Variants in ATP12A observed in about 807,000 individuals in gnomAD.
ATP12A encodes ATPase H+/K+ transporting non-gastric alpha2 subunit.
A neutral mutation model predicts 111.2 loss-of-function variants in ATP12A; 81 were observed. The observed-to-expected ratio is 0.73, with a 90% confidence interval of 0.61 to 0.88. ATP12A has a LOEUF of 0.88. Among genes scored for constraint, ATP12A ranks in the 40% least tolerant of loss-of-function variants. ATP12A has a pLI of 0.00. For synonymous variants in ATP12A, 498 were observed against 499.8 expected, an observed-to-expected ratio of 1.00 and a Z score of 0.05; for missense variants, 1,196 against 1,313.1, an observed-to-expected ratio of 0.91 and a Z score of 1.38.
At chr13:24,702,955 G>A (rs79573033) in intron 14 of ATP12A, among the ~76,000 whole-genome samples, 5,401 of 152,234 alleles carry the variant, frequency 0.035, 169 homozygotes, top group African/African-American at 0.085. Context: ...TCACGCATGC[G>A]GGAGATGAGG....
intron 11 of ATP12A, among the ~76,000 whole-genome samples, chr13:24,695,965 A>G (rs968363075): frequency 5.3e-5 from 8 of 152,162 alleles, no homozygotes; most frequent in African/African-American, 1.9e-4. Context: ...GCCAACAGAG[A>G]ATCACAGTTA....
At position 24,707,851 on chromosome 13, in the gene ATP12A, G is replaced by A. The variant is rs371090476; in HGVS notation, c.2493+418G>A. ...GTGCCACCACACCTGGCTAATTTTT[G>A]TATTTTTAGTAGAGATGGGGTTTCC... is the stretch of plus-strand genomic sequence containing the variant. On this transcript the variant is annotated intron_variant, in intron 17 of 22. Transcript: ENST00000381946. Among the ~76,000 whole-genome samples the A allele has an allele frequency of 5.5e-4, 84 of 152,090 alleles. 2 individuals carry two copies. In the South Asian group the frequency reaches 0.017, roughly 31 times the overall value.
At chr13:24,694,629 T>C (rs118100366) in intron 11 of ATP12A, 51 bp downstream of exon 11, 77,260 of 1,609,174 alleles carry the variant, frequency 0.048, 2,205 homozygotes, top group Middle Eastern at 0.06. Flanking sequence ...GCATGACCTT[T>C]CTACTTGCAT....
chr13:24,703,261 T>C (rs909267115), intron 14 of ATP12A, among the ~76,000 whole-genome samples: 3 of 152,212 alleles, frequency 2.0e-5, no homozygotes, highest in Non-Finnish European at 4.4e-5. Flanking sequence ...TTTGTTTATT[T>C]AGACAGAGTC....
intron 1 of ATP12A, among the ~76,000 whole-genome samples, chr13:24,681,294 G>T (rs1397722153): frequency 6.6e-6 from 1 of 152,094 alleles, no homozygotes; most frequent in Non-Finnish European, 1.5e-5. Flanking sequence ...CTTCCCACCT[G>T]CTCCACCCAG....
In ATP12A at chr13:24,711,558, T is replaced by G; in HGVS notation, c.*36T>G. On this transcript the variant is annotated 3_prime_UTR_variant, in exon 23 of 23. Transcript: ENST00000381946. ...CTTCCTATGTCTCTCAGCAGCACGTTGGGGCACACTTGTTCATCTTCTGAC... is the reference window on the plus strand; with the variant it reads ...CTTCCTATGTCTCTCAGCAGCACGTGGGGGCACACTTGTTCATCTTCTGAC... 6.2e-7 allele frequency: 1 copy of G among 1,613,378 alleles called. No homozygotes were observed. Among genetic ancestry groups the G allele is most frequent in the Middle Eastern group, 1.6e-4 (1 of 6,062 alleles).
At chr13:24,700,301 C>T (rs1214428240) in intron 12 of ATP12A, among the ~76,000 whole-genome samples, 1 of 152,160 alleles carries the variant, frequency 6.6e-6, no homozygotes, top group Non-Finnish European at 1.5e-5. Context: ...GGCCTTCCCA[C>T]CTCCACCCTC....
At chr13:24,682,146 GTGGTGT>G (rs1874489712) in intron 2 of ATP12A, among the ~76,000 whole-genome samples, 1 of 116,142 alleles carries the variant, frequency 8.6e-6, no homozygotes. Flanking sequence ...GTATATGTGT[GTGGTGT>G]GTGTGTGGTG....
At chr13:24,686,601 C>T (rs143095224) in intron 3 of ATP12A, among the ~76,000 whole-genome samples, 3,334 of 151,030 alleles carry the variant, frequency 0.022, 107 homozygotes, top group African/African-American at 0.075. Context: ...TAGTCGGGCA[C>T]GGTGGCGGGC....
intron 8 of ATP12A, among the ~76,000 whole-genome samples, chr13:24,691,745 G>C (rs1249127225): frequency 6.6e-6 from 1 of 152,118 alleles, no homozygotes; most frequent in African/African-American, 2.4e-5. Flanking sequence ...CCCTAGAGAA[G>C]AGCCCCCTCC....
At position 24,708,967 on chromosome 13, in the gene ATP12A, A is replaced by AAGAAAGAAAGAG. The variant is rs1566078424; in HGVS notation, c.2494-394_2494-393insAAGAAAGAGAGA. On this transcript the variant is annotated intron_variant, in intron 17 of 22. Coordinates refer to ENST00000381946, the MANE Select transcript of ATP12A (RefSeq NM_001676.7). ...AAAGAAAGAAAGAAAGAAAGAAGGA[A>AAGAAAGAAAGAG]AGAGAAAGAGAAATGAATGCAAATT... 3.7e-4 allele frequency among the ~76,000 whole-genome samples: 56 copies of AAGAAAGAAAGAG among 149,974 alleles called. 1 individual carries two copies. Among genetic ancestry groups the AAGAAAGAAAGAG allele is most frequent in the African/African-American group, 1.3e-3 (53 of 40,668 alleles).
At chr13:24,704,155 A>T (rs1034545789) in intron 14 of ATP12A, among the ~76,000 whole-genome samples, 1 of 152,014 alleles carries the variant, frequency 6.6e-6, no homozygotes, top group Non-Finnish European at 1.5e-5. Context: ...GTGCCACCAC[A>T]CCCGGCTAGT....
At chr13:24,694,861 T>TCA (rs773803839) in intron 11 of ATP12A, among the ~76,000 whole-genome samples, 7,687 of 42,028 alleles carry the variant, frequency 0.18, 291 homozygotes, top group East Asian at 0.49. Context: ...TCTCTCTCTC[T>TCA]CACACACACA....
chr13:24,711,837 C>T lies in ATP12A; in HGVS notation c.*315C>T, dbSNP rs1875988418. On this transcript the variant is annotated 3_prime_UTR_variant, in exon 23 of 23. Coordinates refer to ENST00000381946, the MANE Select transcript of ATP12A (RefSeq NM_001676.7). ...CCTTGATGTTAATAGTCTTGTGTAA[C>T]CCAGGCATCTACTGGGGCCTGCCTT... is the stretch of plus-strand genomic sequence containing the variant. 5 of 413,388 alleles carry T rather than the reference C, an allele frequency of 1.2e-5. No homozygotes were observed. The highest frequency in any genetic ancestry group is 1.4e-3 in the Middle Eastern group (2 of 1,390). 25.6% of individuals were successfully genotyped at this position (413,388 alleles called of 1,614,324 possible). A position where few individuals can be genotyped will look rare whatever the true frequency, so the allele number is the denominator to read the frequency against.
chr13:24,694,718 GGTCCCCTAGGTC>G, intron 11 of ATP12A, 140 bp downstream of exon 11: 1 of 1,284,864 alleles, frequency 7.8e-7, no homozygotes, highest in Non-Finnish European at 1.1e-6. Context: ...CCAGGCATCT[GGTCCCCTAGGTC>G]AAGCTCCCTT....
intron 9 of ATP12A, 72 bp from the exon 10 acceptor site, chr13:24,692,715 G>A: frequency 2.5e-6 from 4 of 1,598,886 alleles, no homozygotes; most frequent in South Asian, 2.2e-5. Flanking sequence ...TGCAGCCAGA[G>A]GATTGCTGGA....
intron 9 of ATP12A, 53 bp from the exon 10 acceptor site, chr13:24,692,734 C>A (rs1225748987): frequency 3.4e-5 from 54 of 1,599,630 alleles, no homozygotes; most frequent in Non-Finnish European, 4.5e-5. Context: ...GACAGTGACT[C>A]ATGGACGGCC....
chr13:24,702,613 C>T (rs905908776), intron 14 of ATP12A, among the ~76,000 whole-genome samples: 7 of 152,106 alleles, frequency 4.6e-5, no homozygotes, highest in Non-Finnish European at 7.4e-5. Flanking sequence ...CATGTTTATC[C>T]TTATTCTTTT....
At chr13:24,689,585 C>T (rs928598084) in intron 5 of ATP12A, among the ~76,000 whole-genome samples, 1 of 152,204 alleles carries the variant, frequency 6.6e-6, no homozygotes, top group Non-Finnish European at 1.5e-5. Context: ...TGCTGGTTAG[C>T]CCAAGGCATC....
Sources: gnomAD v4.1 joint callset for allele counts (sites outside exome capture counted in the v4.1 genomes callset) on GRCh38, gnomAD v4.1.1 for gene constraint, MANE v1.5 for transcripts, NCBI Gene and HGNC (gene_info 2026-07-23, HGNC 2026-07-21) for gene names.